Variants in GPR158 observed in about 807,000 individuals in gnomAD.
GPR158 encodes G protein-coupled receptor 158, also known as metabotropic glycine receptor.
Under a neutral mutation model 78.2 loss-of-function variants are expected in GPR158, and 30 were observed. The observed-to-expected ratio is 0.38, with a 90% CI of 0.29 to 0.52. GPR158 has a LOEUF of 0.52. Ranked by LOEUF, GPR158 falls within the 20% of genes least tolerant of loss-of-function variation. GPR158 has a pLI of 0.83. For missense variants in GPR158, 1,463 were observed against 1,523.5 expected, an observed-to-expected ratio of 0.96 and a Z score of 0.66; for synonymous variants, 581 against 591.1, an observed-to-expected ratio of 0.98 and a Z score of 0.25.
At position 25,176,241 on chromosome 10, in the gene GPR158, A is replaced by G. The variant is rs926402260; in HGVS notation, c.821A>G (p.Asn274Ser). 20 of 1,608,062 alleles carry G rather than the reference A, an allele frequency of 1.2e-5. No individual in the cohort carries two copies. Among genetic ancestry groups the G allele is most frequent in the East Asian group, 2.2e-5 (1 of 44,690 alleles). ...TCTCCGCCTTATCTGGAGTGCGAGAACGGGAGTTACAAGCCCGGGTGGCTG... is the reference window on the plus strand; with the variant it reads ...TCTCCGCCTTATCTGGAGTGCGAGAGCGGGAGTTACAAGCCCGGGTGGCTG... ...KWSPPYLECE[N>S]GSYKPGWLVT... is the part of the protein sequence containing the mutation. The change falls in exon 1 of 11, where the codon AAC becomes AGC. Residue 274 changes from asparagine to serine, a missense_variant. Coordinates refer to ENST00000376351, the MANE Select transcript of GPR158 (RefSeq NM_020752.3). This position sits in a 1 kb window ranked among gnomAD's most constrained non-coding sequence, Gnocchi z 6.3.
chr10:25,218,021 C>T lies in GPR158; in HGVS notation c.903-3031C>T, dbSNP rs915602289. On this transcript the variant is annotated intron_variant, in intron 1 of 10. Coordinates refer to ENST00000376351, the MANE Select transcript of GPR158 (RefSeq NM_020752.3). ...GGCACAGGCGCGATGGGGCTCTCAC[C>T]TTGCCTGGTCTGCGATGGGACACGT... 3.9e-5 allele frequency among the ~76,000 whole-genome samples: 6 copies of T among 152,162 alleles called. No homozygotes were observed. The South Asian group carries it at 1.2e-3, about 32-fold the overall frequency.
chr10:25,513,505 G>C (rs568936939), intron 5 of GPR158, among the ~76,000 whole-genome samples: 1 of 140,850 alleles, frequency 7.1e-6, no homozygotes, highest in Non-Finnish European at 1.6e-5. Context: ...TTTTTTTTTT[G>C]GTTCAATTTT....
chr10:25,400,906 C>T (rs1360542333), intron 3 of GPR158, among the ~76,000 whole-genome samples: 1 of 151,854 alleles, frequency 6.6e-6, no homozygotes, highest in East Asian at 1.9e-4. Context: ...TGAGAAGATG[C>T]GACGGGAGGA....
chr10:25,252,346 G>T (rs1341728860), intron 2 of GPR158, among the ~76,000 whole-genome samples: 1 of 152,168 alleles, frequency 6.6e-6, no homozygotes, highest in African/African-American at 2.4e-5. Flanking sequence ...GCTTTGTTCT[G>T]TTGCTGGTGA....
At chr10:25,195,052 T>G (rs1490378486) in intron 1 of GPR158, among the ~76,000 whole-genome samples, 2 of 152,142 alleles carry the variant, frequency 1.3e-5, no homozygotes, top group South Asian at 4.1e-4. Context: ...CAGATCTTTT[T>G]CTAGATCACT....
At chr10:25,531,279 C>G (rs551234114) in intron 5 of GPR158, among the ~76,000 whole-genome samples, 18 of 152,242 alleles carry the variant, frequency 1.2e-4, no homozygotes, top group African/African-American at 4.3e-4. Flanking sequence ...AGTTACTTAT[C>G]GTCCTAAGTA....
chr10:25,585,696 G>A (rs996633245), intron 7 of GPR158, among the ~76,000 whole-genome samples: 10 of 152,302 alleles, frequency 6.6e-5, no homozygotes, highest in East Asian at 5.8e-4. Flanking sequence ...GATTTGGAAC[G>A]GGCCAGGAGT....
intron 5 of GPR158, among the ~76,000 whole-genome samples, chr10:25,488,337 G>T (rs1008242347): frequency 7.9e-5 from 12 of 152,166 alleles, no homozygotes; most frequent in African/African-American, 2.7e-4. Flanking sequence ...TTACATAGGG[G>T]AGCCCTGTGC....
intron 2 of GPR158, among the ~76,000 whole-genome samples, chr10:25,302,689 G>A (rs1854616920): frequency 6.6e-6 from 1 of 151,982 alleles, no homozygotes; most frequent in South Asian, 2.1e-4. Context: ...AACAATTTTA[G>A]CTTGCGAGCC....
intron 2 of GPR158, among the ~76,000 whole-genome samples, chr10:25,353,564 G>A (rs1855504772): frequency 6.6e-6 from 1 of 151,962 alleles, no homozygotes; most frequent in African/African-American, 2.4e-5. Flanking sequence ...TTGTTCACAT[G>A]TATGTTTGTT....
At chr10:25,513,856 A>AT (rs1836122406) in intron 5 of GPR158, among the ~76,000 whole-genome samples, 1 of 152,048 alleles carries the variant, frequency 6.6e-6, no homozygotes, top group Non-Finnish European at 1.5e-5. Context: ...TTGATTTCCA[A>AT]TATTATTCCA....
rs1852510378 is a variant in GPR158 at position 25,175,391 on chromosome 10, C to T, written c.-30C>T. 2 of 1,377,882 alleles carry T rather than the reference C, an allele frequency of 1.5e-6. No individual in the cohort carries two copies. The highest frequency in any genetic ancestry group is 1.4e-5 in the South Asian group (1 of 72,346). The allele number at this position is 1,377,882 out of a possible 1,614,324, so 85.4% of individuals were successfully genotyped here. The stretch of plus-strand genomic sequence containing the variant: ...ATTTAAAAAGTGATTCCCCCCCCTC[C>T]CGTTCCCTCCTCTTCTCTCTGGGAG... On this transcript the variant is annotated 5_prime_UTR_variant, in exon 1 of 11. Coordinates refer to ENST00000376351, the MANE Select transcript of GPR158 (RefSeq NM_020752.3). The surrounding 1 kb of genome is among the most constrained non-coding windows in gnomAD (Gnocchi z 6.4).
At chr10:25,178,572 T>G (rs1852572505) in intron 1 of GPR158, among the ~76,000 whole-genome samples, 1 of 152,192 alleles carries the variant, frequency 6.6e-6, no homozygotes, top group African/African-American at 2.4e-5. Flanking sequence ...GAAAATAGTT[T>G]GTTTCTTTAA....
chr10:25,296,474 TCTTTCTA>T (rs1854515893), intron 2 of GPR158, among the ~76,000 whole-genome samples: 1 of 151,830 alleles, frequency 6.6e-6, no homozygotes, highest in Non-Finnish European at 1.5e-5. Context: ...CATCTGTCTG[TCTTTCTA>T]TCTATATCTA....
At chr10:25,370,060 TTTTC>T (rs1262228432) in intron 2 of GPR158, among the ~76,000 whole-genome samples, 1 of 149,468 alleles carries the variant, frequency 6.7e-6, no homozygotes, top group Non-Finnish European at 1.5e-5. Context: ...TTCTCTCTTT[TTTTC>T]TTTATTAGTC....
At chr10:25,555,013 GA>G (rs990152013) in intron 6 of GPR158, among the ~76,000 whole-genome samples, 1 of 150,044 alleles carries the variant, frequency 6.7e-6, no homozygotes. Flanking sequence ...AGAGAGGAAA[GA>G]AAGAAAAGAA....
chr10:25,480,105 G>C (rs888241694), intron 5 of GPR158, among the ~76,000 whole-genome samples: 1 of 151,696 alleles, frequency 6.6e-6, no homozygotes, highest in African/African-American at 2.4e-5. Flanking sequence ...TTACTCTCTA[G>C]TATCTTTTTC....
At chr10:25,478,814 GC>G (rs1835624867) in intron 5 of GPR158, among the ~76,000 whole-genome samples, 2 of 112,124 alleles carry the variant, frequency 1.8e-5, no homozygotes, top group Admixed American at 1.1e-4. Flanking sequence ...CCCACGACAG[GC>G]CCCCGGTGTG....
At chr10:25,300,271 C>G (rs1854573786) in intron 2 of GPR158, among the ~76,000 whole-genome samples, 1 of 152,180 alleles carries the variant, frequency 6.6e-6, no homozygotes, top group Admixed American at 6.5e-5. Context: ...CACTTACGTT[C>G]CATGGCTTCT....
Sources: allele counts gnomAD v4.1 joint callset (sites outside exome capture counted in the v4.1 genomes callset), GRCh38; gene constraint gnomAD v4.1.1; non-coding constraint Gnocchi (gnomAD v3.1); transcripts MANE v1.5; gene names NCBI Gene and HGNC (gene_info 2026-07-23, HGNC 2026-07-21).